Variants in NFILZ observed in about 807,000 individuals in gnomAD.
NFILZ encodes the protein NFIL3 like protein.
rs1555751023 is a variant in NFILZ, at chr19:8,678,184, T to TCCATCCATCCATCCGTCCAC, written c.*555_*556insATCCATCCGTCCACCCATCC. On this transcript the variant is annotated 3_prime_UTR_variant, in exon 6 of 6. Transcript: ENST00000691075. ...ATCCATCCATCCATCCATCCATCCA[T>TCCATCCATCCATCCGTCCAC]CCATCCGTCCATCTATCCATCCATC... Among the ~76,000 whole-genome samples the TCCATCCATCCATCCGTCCAC allele has an allele frequency of 2.4e-4, 12 of 49,454 alleles. No individual in the cohort carries two copies. The highest frequency in any genetic ancestry group is 4.8e-4 in the East Asian group (1 of 2,068). 32.4% of individuals were successfully genotyped at this position (49,454 alleles called of 152,430 possible). A position where few individuals can be genotyped will look rare whatever the true frequency, so the allele number is the denominator to read the frequency against.
intron 1 of NFILZ, among the ~76,000 whole-genome samples, 166 bp from the exon 2 acceptor site, chr19:8,632,310 C>T (rs2146131955): frequency 6.6e-6 from 1 of 151,366 alleles, no homozygotes; most frequent in East Asian, 1.9e-4. Flanking sequence ...GTGTCAGAGA[C>T]TTGTGAACCA....
Position 8,652,463 on chromosome 19 carries a change from G to C in NFILZ, c.-164+16717G>C, listed in dbSNP as rs75684411. Among the ~76,000 whole-genome samples the C allele has an allele frequency of 4.6e-3, 693 of 152,276 alleles. 8 individuals carry two copies. The highest frequency in any genetic ancestry group is 0.016 in the African/African-American group (660 of 41,556). Reference sequence around the variant, plus strand: ...TGCAAACCGTTAGGTGTAGATGTTTGCAAGTGTAAATTTTAGTTCATACAT... The same window carrying C: ...TGCAAACCGTTAGGTGTAGATGTTTCCAAGTGTAAATTTTAGTTCATACAT... On this transcript the variant is annotated intron_variant, in intron 3 of 5. Coordinates refer to ENST00000691075, the MANE Select transcript of NFILZ (RefSeq NM_001378600.1).
At chr19:8,662,618 A>G (rs1055516962) in intron 3 of NFILZ, among the ~76,000 whole-genome samples, 20 of 150,932 alleles carry the variant, frequency 1.3e-4, no homozygotes, top group South Asian at 2.1e-4. Context: ...GAAGGATCTT[A>G]GATGAAGTTT....
Position 8,635,738 on chromosome 19 carries a change from G to C in NFILZ, c.-172G>C, listed in dbSNP as rs956111660. On this transcript the variant is annotated 5_prime_UTR_variant, in exon 3 of 6. Transcript: ENST00000691075. The stretch of plus-strand genomic sequence containing the variant: ...TGCCAGACGTTGATGTGCAAGTTTT[G>C]GTGTGAGGGTAAGTTTCCATTTCTC... The C allele has an allele frequency of 3.3e-5, 5 of 152,076 alleles. No individual in the cohort carries two copies. The highest frequency in any genetic ancestry group is 7.4e-5 in the Non-Finnish European group (5 of 68,004). 9.4% of individuals were successfully genotyped at this position (152,076 alleles called of 1,614,324 possible). A position where few individuals can be genotyped will look rare whatever the true frequency, so the allele number is the denominator to read the frequency against.
intron 3 of NFILZ, among the ~76,000 whole-genome samples, chr19:8,668,701 C>T (rs1445142429): frequency 1.3e-5 from 2 of 152,114 alleles, no homozygotes; most frequent in Admixed American, 6.6e-5. Flanking sequence ...CACTTCCATG[C>T]GTGGGAGACT....
chr19:8,638,436 G>C (rs1484499640), intron 3 of NFILZ: 2 of 152,230 alleles, frequency 1.3e-5, no homozygotes, highest in African/African-American at 4.8e-5. Context: ...GCCACTTAAG[G>C]ACTGTGGGGC....
intron 3 of NFILZ, among the ~76,000 whole-genome samples, chr19:8,638,024 C>T (rs1555746278): frequency 6.6e-6 from 1 of 151,252 alleles, no homozygotes; most frequent in South Asian, 2.1e-4. Flanking sequence ...CTTTCCCCAA[C>T]ACAGGTTAGT....
At chr19:8,652,822 TTC>T (rs1229390014) in intron 3 of NFILZ, among the ~76,000 whole-genome samples, 1 of 151,160 alleles carries the variant, frequency 6.6e-6, no homozygotes, top group African/African-American at 2.4e-5. Flanking sequence ...TCTCTCTCTC[TTC>T]TTTCTCACTT....
At chr19:8,634,646 C>T (rs2064084674) in intron 2 of NFILZ, among the ~76,000 whole-genome samples, 2 of 152,032 alleles carry the variant, frequency 1.3e-5, no homozygotes, top group Non-Finnish European at 2.9e-5. Flanking sequence ...GAGGCTGAGG[C>T]GGGCGGATCG....
At chr19:8,651,336 A>G (rs1452047565) in intron 3 of NFILZ, among the ~76,000 whole-genome samples, 2 of 151,916 alleles carry the variant, frequency 1.3e-5, no homozygotes, top group Non-Finnish European at 2.9e-5. Flanking sequence ...TAATTTTTGC[A>G]TTTTTAGTAG....
At chr19:8,674,637 T>C (rs1178306811) in intron 4 of NFILZ, among the ~76,000 whole-genome samples, 37 bp downstream of exon 4, 1 of 152,156 alleles carries the variant, frequency 6.6e-6, no homozygotes, top group African/African-American at 2.4e-5. Context: ...GTATTCTTTT[T>C]CTGAGGGCGC....
intron 1 of NFILZ, among the ~76,000 whole-genome samples, chr19:8,632,008 AC>A (rs1555745612): frequency 6.6e-6 from 1 of 151,870 alleles, no homozygotes; most frequent in Non-Finnish European, 1.5e-5. Context: ...TACTGGGATT[AC>A]AGGTGCCTGC....
At chr19:8,660,706 C>T (rs566520803) in intron 3 of NFILZ, among the ~76,000 whole-genome samples, 15 of 148,590 alleles carry the variant, frequency 1.0e-4, no homozygotes, top group Admixed American at 2.0e-4. Context: ...GGTGCAGTCT[C>T]GGCTCACTGC....
intron 3 of NFILZ, among the ~76,000 whole-genome samples, chr19:8,648,097 C>A (rs1301439563): frequency 6.9e-6 from 1 of 145,920 alleles, no homozygotes; most frequent in Non-Finnish European, 1.5e-5. Flanking sequence ...TGCTGTGAAC[C>A]TGGGAGGTGG....
intron 3 of NFILZ, chr19:8,638,667 G>A (rs1271069439): frequency 1.3e-5 from 2 of 152,168 alleles, no homozygotes; most frequent in Non-Finnish European, 2.9e-5. Context: ...GTATGTCACA[G>A]GGTGGTAGGG....
chr19:8,653,412 A>G (rs2042978352), intron 3 of NFILZ, among the ~76,000 whole-genome samples: 2 of 151,974 alleles, frequency 1.3e-5, no homozygotes, highest in Admixed American at 1.3e-4. Flanking sequence ...GTTTTATTTC[A>G]TGATTATTGC....
chr19:8,644,803 G>A (rs2042932193), intron 3 of NFILZ, among the ~76,000 whole-genome samples: 1 of 150,204 alleles, frequency 6.7e-6, no homozygotes, highest in Admixed American at 6.7e-5. Context: ...TTTCGCTCTT[G>A]TTGCCCAGGC....
intron 3 of NFILZ, chr19:8,638,391 T>A (rs1414441891): frequency 6.6e-6 from 1 of 152,246 alleles, no homozygotes; most frequent in Admixed American, 6.5e-5. Context: ...AGGAAGCCTG[T>A]GCAGTTGAAC....
intron 3 of NFILZ, among the ~76,000 whole-genome samples, chr19:8,647,795 G>GCGCGCA (rs1189605746): frequency 9.2e-5 from 7 of 76,332 alleles, no homozygotes; most frequent in East Asian, 8.9e-4. Flanking sequence ...GCGCGCGCGC[G>GCGCGCA]CACACACACA....
Sources: gnomAD v4.1 joint callset for allele counts (sites outside exome capture counted in the v4.1 genomes callset) on GRCh38, gnomAD v4.1.1 for gene constraint, MANE v1.5 for transcripts, NCBI Gene and HGNC (gene_info 2026-07-23, HGNC 2026-07-21) for gene names.